The following TNRC6A variants were observed in gnomAD, a reference collection of about 807,000 sequenced individuals.
The protein encoded by TNRC6A is trinucleotide repeat-containing gene 6A protein.
In TNRC6A, 44 loss-of-function variants were observed where a neutral mutation model predicts 221.2. That is an observed-to-expected ratio of 0.20 (90% CI 0.16 to 0.26). The LOEUF (loss-of-function observed/expected upper bound fraction) is 0.26. Ranked by LOEUF, TNRC6A falls within the 10% of genes least tolerant of loss-of-function variation. The probability of loss-of-function intolerance (pLI) is 1.00; values close to 1 mark genes in which losing one functional copy is unlikely to be tolerated. For synonymous variants in TNRC6A, 847 were observed against 838.5 expected (o/e 1.01, Z -0.18); for missense variants, 2,199 against 2,404.4 (o/e 0.91, Z 1.79).
chr16:24,650,331 A>T (rs948168986), intron 2 of TNRC6A, among the ~76,000 whole-genome samples: 2 of 152,224 alleles, frequency 1.3e-5, no homozygotes, highest in Admixed American at 6.5e-5. Flanking sequence ...TGGATAAAAC[A>T]TTCAGGTAAA....
At chr16:24,660,358 C>T (rs1169331444) in intron 2 of TNRC6A, among the ~76,000 whole-genome samples, 1 of 152,214 alleles carries the variant, frequency 6.6e-6, no homozygotes, top group Non-Finnish European at 1.5e-5. Context: ...AGTTACTTCA[C>T]TTCGACTAAT....
At chr16:24,637,131 C>T (rs1215834491) in intron 1 of TNRC6A, among the ~76,000 whole-genome samples, 2 of 152,164 alleles carry the variant, frequency 1.3e-5, no homozygotes, top group Non-Finnish European at 2.9e-5. Flanking sequence ...CTCCCAGGCT[C>T]AGGTGATCCT....
rs533096563 is a variant in TNRC6A at position 24,789,799 on chromosome 16, G to C, written c.1157G>C (p.Ser386Thr). ...CTTGCCCTAAAAGGGCCTGTAGGGA[G>C]TGGTAGTTCTGGCATTAATATTCAG... Reference protein sequence around the residue: ...NGLALKGPVGSGSSGINIQCS... With the variant: ...NGLALKGPVGTGSSGINIQCS... Residue 386 changes from serine (S) to threonine (T), a missense_variant, in exon 6 of 25, where the codon AGT becomes ACT. Physicochemically the swap from Ser to Thr is moderately conservative, Grantham distance 58. Coordinates refer to ENST00000395799, the MANE Select transcript of TNRC6A (RefSeq NM_014494.4). The C allele has an allele frequency of 6.2e-7, 1 of 1,614,218 alleles. No homozygotes were observed. The highest frequency in any genetic ancestry group is 2.2e-5 in the East Asian group (1 of 44,888).
intron 2 of TNRC6A, among the ~76,000 whole-genome samples, chr16:24,674,987 A>T (rs1035448690): frequency 3.3e-5 from 5 of 152,060 alleles, no homozygotes; most frequent in African/African-American, 7.2e-5. Flanking sequence ...AAAAACAAAA[A>T]TTTTTTTAAT....
chr16:24,783,429 G>A (rs2151799320), intron 5 of TNRC6A, among the ~76,000 whole-genome samples: 1 of 152,082 alleles, frequency 6.6e-6, no homozygotes, highest in Non-Finnish European at 1.5e-5. Context: ...GCGCCCAGCT[G>A]ATGCTGTTTT....
intron 2 of TNRC6A, among the ~76,000 whole-genome samples, chr16:24,747,654 CTT>C (rs1487225609): frequency 1.3e-5 from 2 of 152,112 alleles, no homozygotes; most frequent in Non-Finnish European, 2.9e-5. Context: ...TTCCAGTTGG[CTT>C]TCTCTGAAGG....
intron 1 of TNRC6A, among the ~76,000 whole-genome samples, chr16:24,623,128 C>G (rs1900761963): frequency 6.6e-6 from 1 of 152,124 alleles, no homozygotes; most frequent in African/African-American, 2.4e-5. Context: ...AGCAACCACC[C>G]AACCCAGTCA....
At chr16:24,774,284 A>G (rs2057675694) in intron 4 of TNRC6A, among the ~76,000 whole-genome samples, 2 of 152,166 alleles carry the variant, frequency 1.3e-5, no homozygotes, top group South Asian at 2.1e-4. Context: ...TTTTGTATCT[A>G]AGATTGTACT....
At chr16:24,640,716 AAAAAAAAAGAAAG>A (rs1901906647) in intron 1 of TNRC6A, among the ~76,000 whole-genome samples, 1 of 152,024 alleles carries the variant, frequency 6.6e-6, no homozygotes, top group Non-Finnish European at 1.5e-5. Flanking sequence ...GCGACAAAAA[AAAAAAAAAGAAAG>A]AAAAAAAAGA....
intron 11 of TNRC6A, among the ~76,000 whole-genome samples, chr16:24,802,548 CAAAAA>C (rs897930490): frequency 6.6e-6 from 1 of 151,446 alleles, no homozygotes; most frequent in Non-Finnish European, 1.5e-5. Flanking sequence ...GACACTGTCT[CAAAAA>C]AAAGTGACAA....
At chr16:24,752,258 T>C (rs2057153696) in intron 3 of TNRC6A, among the ~76,000 whole-genome samples, 1 of 152,180 alleles carries the variant, frequency 6.6e-6, no homozygotes, top group African/African-American at 2.4e-5. Flanking sequence ...TCAGCTTAGA[T>C]TGACTCGCAG....
intron 2 of TNRC6A, among the ~76,000 whole-genome samples, chr16:24,669,821 A>C (rs1334502331): frequency 1.3e-5 from 2 of 151,814 alleles, no homozygotes; most frequent in Non-Finnish European, 2.9e-5. Flanking sequence ...CAGTAATAGA[A>C]GTAGTTGTTA....
At chr16:24,695,622 A>T (rs549809470) in intron 2 of TNRC6A, among the ~76,000 whole-genome samples, 1 of 151,342 alleles carries the variant, frequency 6.6e-6, no homozygotes, top group Admixed American at 6.6e-5. Flanking sequence ...CTGGTCTCGA[A>T]CTCCTGACCT....
chr16:24,759,938 TTCCTAAAAC>T (rs1172958216), intron 4 of TNRC6A, among the ~76,000 whole-genome samples: 5 of 152,096 alleles, frequency 3.3e-5, no homozygotes, highest in African/African-American at 7.2e-5. Flanking sequence ...CAAATTAATT[TTCCTAAAAC>T]TCTATTTTCC....
chr16:24,676,410 C>T (rs1029714717), intron 2 of TNRC6A, among the ~76,000 whole-genome samples: 1 of 152,108 alleles, frequency 6.6e-6, no homozygotes, highest in Non-Finnish European at 1.5e-5. Flanking sequence ...AATTCTTCTG[C>T]CTCAGCCTCT....
At chr16:24,780,030 TG>T (rs148053458) in intron 5 of TNRC6A, among the ~76,000 whole-genome samples, 7,595 of 152,228 alleles carry the variant, frequency 0.05, 290 homozygotes, top group Middle Eastern at 0.075. Context: ...GTGAAATAAC[TG>T]TTTAATATGG....
chr16:24,693,487 C>G (rs2055796493), intron 2 of TNRC6A, among the ~76,000 whole-genome samples: 1 of 152,104 alleles, frequency 6.6e-6, no homozygotes, highest in African/African-American at 2.4e-5. Flanking sequence ...ACTCGGGAGG[C>G]TGAGGCAGGA....
At chr16:24,641,181 C>T (rs371796143) in intron 2 of TNRC6A, among the ~76,000 whole-genome samples, 6 of 152,260 alleles carry the variant, frequency 3.9e-5, no homozygotes, top group South Asian at 4.2e-4. Context: ...TCAGACCTCA[C>T]GATCCTGGGA....
chr16:24,708,942 T>G (rs1303570893), intron 2 of TNRC6A, among the ~76,000 whole-genome samples: 5 of 152,158 alleles, frequency 3.3e-5, no homozygotes, highest in African/African-American at 1.2e-4. Context: ...CAATTGTGAA[T>G]TGTGCTGCCA....
Sources: allele counts gnomAD v4.1 joint callset (sites outside exome capture counted in the v4.1 genomes callset), GRCh38; gene constraint gnomAD v4.1.1; transcripts MANE v1.5; gene names NCBI Gene and HGNC (gene_info 2026-07-23, HGNC 2026-07-21).